VIPR2: variants seen among roughly 807,000 people sequenced by gnomAD.
VIPR2 encodes vasoactive intestinal polypeptide receptor 2.
Under a neutral mutation model 58.0 loss-of-function variants are expected in VIPR2, and 48 were observed. The observed-to-expected ratio is 0.83, with a 90% CI of 0.66 to 1.05. The LOEUF is 1.05. VIPR2 is among the 50% of genes least tolerant of loss of function. The probability of loss-of-function intolerance (pLI) is 0.00; values close to 1 mark genes in which losing one functional copy is unlikely to be tolerated. For synonymous variants in VIPR2, 243 were observed against 235.2 expected (o/e 1.03, Z -0.30); for missense variants, 534 against 558.0 (o/e 0.96, Z 0.43).
chr7:159,087,804 CG>C (rs1254196897), intron 4 of VIPR2, among the ~76,000 whole-genome samples: 3 of 140,790 alleles, frequency 2.1e-5, no homozygotes, highest in African/African-American at 7.9e-5. Flanking sequence ...TAGTGAGATA[CG>C]GCTTCCCCAA....
intron 4 of VIPR2, among the ~76,000 whole-genome samples, chr7:159,064,805 C>G (rs1175295015): frequency 6.6e-6 from 1 of 152,186 alleles, no homozygotes; most frequent in Non-Finnish European, 1.5e-5. Context: ...GCTGGGGCAC[C>G]GACCCTCCCT....
intron 5 of VIPR2, among the ~76,000 whole-genome samples, chr7:159,044,090 G>A (rs929545438): frequency 7.9e-5 from 12 of 152,216 alleles, no homozygotes; most frequent in African/African-American, 2.9e-4. Context: ...GCTGCAGACA[G>A]TCTGGTTAAG....
intron 6 of VIPR2, among the ~76,000 whole-genome samples, chr7:159,042,143 T>G (rs1049859201): frequency 2.6e-5 from 4 of 152,178 alleles, no homozygotes; most frequent in African/African-American, 9.7e-5. Context: ...ATCTTAAAAC[T>G]AAGTTAATTC....
At position 159,132,986 on chromosome 7, in the gene VIPR2, T is replaced by G. The variant is rs4909114; in HGVS notation, c.151+9460A>C. 3.8e-3 allele frequency among the ~76,000 whole-genome samples: 403 copies of G among 106,584 alleles called. 2 individuals are homozygous for G. Among genetic ancestry groups the G allele is most frequent in the African/African-American group, 5.5e-3 (135 of 24,660 alleles). 69.9% of individuals were successfully genotyped at this position (106,584 alleles called of 152,430 possible). A position where few individuals can be genotyped will look rare whatever the true frequency, so the allele number is the denominator to read the frequency against. On this transcript the variant is annotated intron_variant, in intron 2 of 12. Transcript: ENST00000262178. ...GAATGATTGGCATACCGATTGATTT[T>G]AGACAGAATGATTGGCATACAGATT...
At chr7:159,087,979 C>A (rs995309505) in intron 4 of VIPR2, among the ~76,000 whole-genome samples, 2 of 152,260 alleles carry the variant, frequency 1.3e-5, no homozygotes, top group Non-Finnish European at 2.9e-5. Flanking sequence ...CACTCCCTAT[C>A]CTCTCCCTGC....
intron 4 of VIPR2, among the ~76,000 whole-genome samples, chr7:159,076,198 T>C (rs1206000688): frequency 6.6e-6 from 1 of 152,154 alleles, no homozygotes; most frequent in Non-Finnish European, 1.5e-5. Context: ...AAAGGATAAT[T>C]TGGAACTGCC....
intron 4 of VIPR2, among the ~76,000 whole-genome samples, chr7:159,087,840 G>A (rs1331626632): frequency 1.4e-5 from 2 of 147,286 alleles, no homozygotes; most frequent in African/African-American, 4.9e-5. Context: ...GACTCAGATA[G>A]TGAGATACAG....
chr7:159,059,374 G>C (rs968058811), intron 4 of VIPR2: 3 of 470,978 alleles, frequency 6.4e-6, no homozygotes, highest in African/African-American at 6.0e-5. Flanking sequence ...AATAAAGAGG[G>C]AAACAATCCA....
intron 6 of VIPR2, among the ~76,000 whole-genome samples, chr7:159,041,025 G>C (rs1293000698): frequency 6.6e-6 from 1 of 152,242 alleles, no homozygotes; most frequent in Non-Finnish European, 1.5e-5. Flanking sequence ...CACTGGCTCT[G>C]TGCTGCTGGG....
chr7:159,061,943 C>T (rs1855693782), intron 4 of VIPR2, among the ~76,000 whole-genome samples: 1 of 152,096 alleles, frequency 6.6e-6, no homozygotes, highest in Admixed American at 6.5e-5. Flanking sequence ...GCGGCGGCCG[C>T]GTCTGGAGTC....
chr7:159,053,018 C>T lies in VIPR2; in HGVS notation c.455+5463G>A, dbSNP rs186837704. On this transcript the variant is annotated intron_variant, in intron 5 of 12. Transcript: ENST00000262178. ...TCTATTCAACATTGTACTTCACAAA[C>T]AGCATGAATTACACATAGAAAAATC... Among the ~76,000 whole-genome samples, 3 of 152,240 alleles carry T rather than the reference C, an allele frequency of 2.0e-5. No individual in the cohort carries two copies. In the East Asian group the frequency reaches 5.8e-4, roughly 29 times the overall value.
intron 4 of VIPR2, among the ~76,000 whole-genome samples, chr7:159,068,570 C>G (rs1357448762): frequency 6.6e-6 from 1 of 152,240 alleles, no homozygotes; most frequent in Admixed American, 6.5e-5. Context: ...TCAGCGCAGA[C>G]AGCCCTGGCA....
At chr7:159,032,099 C>T in intron 10 of VIPR2, 32 bp from the exon 11 acceptor site, 1 of 1,612,912 alleles carries the variant, frequency 6.2e-7, no homozygotes, top group Non-Finnish European at 8.5e-7. Context: ...AGCTCAGCTG[C>T]TGGACCCTCG....
intron 5 of VIPR2, among the ~76,000 whole-genome samples, chr7:159,055,221 T>C (rs1460125732): frequency 1.3e-5 from 2 of 152,196 alleles, no homozygotes; most frequent in African/African-American, 2.4e-5. Context: ...GGAGTTCCTT[T>C]TGCATGATTC....
intron 1 of VIPR2, 38 bp from the exon 2 acceptor site, chr7:159,142,583 TC>T: frequency 6.6e-7 from 1 of 1,515,484 alleles, no homozygotes; most frequent in Non-Finnish European, 9.1e-7. Flanking sequence ...AACTAAAAAT[TC>T]CACAAGAAGA....
chr7:159,033,841 A>C (rs1853738885), intron 10 of VIPR2, among the ~76,000 whole-genome samples: 1 of 152,212 alleles, frequency 6.6e-6, no homozygotes, highest in South Asian at 2.1e-4. Context: ...ATGCTTAAAC[A>C]AGCAAGTTCA....
intron 2 of VIPR2, chr7:159,117,535 C>T (rs1047442901): frequency 2.1e-5 from 14 of 653,752 alleles, no homozygotes; most frequent in African/African-American, 1.8e-4. Flanking sequence ...ATGGGTGCAA[C>T]TCCAGTTGTC....
intron 6 of VIPR2, 92 bp downstream of exon 6, chr7:159,042,943 C>T (rs926980626): frequency 2.0e-6 from 3 of 1,487,214 alleles, no homozygotes; most frequent in Non-Finnish European, 2.7e-6. Flanking sequence ...TGACAGGAAC[C>T]CTGCACCAGC....
chr7:159,042,696 G>A (rs1854420758), intron 6 of VIPR2, among the ~76,000 whole-genome samples: 1 of 152,238 alleles, frequency 6.6e-6, no homozygotes, highest in Non-Finnish European at 1.5e-5. Flanking sequence ...AGTTGTGTGT[G>A]TTCATCTGTG....
Sources: allele counts gnomAD v4.1 joint callset (sites outside exome capture counted in the v4.1 genomes callset), GRCh38; gene constraint gnomAD v4.1.1; transcripts MANE v1.5; gene names NCBI Gene and HGNC (gene_info 2026-07-23, HGNC 2026-07-21).